PTDSS1: variants seen among roughly 807,000 people sequenced by gnomAD.
PTDSS1 encodes the protein phosphatidylserine synthase 1, also known as PSS-1.
In PTDSS1, 45 loss-of-function variants were observed where a neutral mutation model predicts 70.5. That is an observed-to-expected ratio of 0.64 (90% CI 0.50 to 0.82). The LOEUF (loss-of-function observed/expected upper bound fraction) is 0.82, where lower values mean the gene tolerates loss of function less well. Ranked by LOEUF, PTDSS1 falls within the 40% of genes least tolerant of loss-of-function variation. PTDSS1 has a pLI of 0.00. For missense variants in PTDSS1, 417 were observed against 586.1 expected, an observed-to-expected ratio of 0.71 and a Z score of 2.98; for synonymous variants, 188 against 203.8, an observed-to-expected ratio of 0.92 and a Z score of 0.66.
At chr8:96,317,878 AGTGTGTGTGTGTGTGTGTGTGT>A (rs10529330) in intron 9 of PTDSS1, among the ~76,000 whole-genome samples, 28 of 139,870 alleles carry the variant, frequency 2.0e-4, no homozygotes, top group African/African-American at 5.3e-4. Flanking sequence ...CTTTTGTTTC[AGTGTGTGTGTGTGTGTGTGTGT>A]GTGTGTGTGT....
intron 5 of PTDSS1, 113 bp downstream of exon 5, chr8:96,295,369 C>A: frequency 8.4e-7 from 1 of 1,192,908 alleles, no homozygotes; most frequent in Non-Finnish European, 1.1e-6. Context: ...CCCTGTGGTA[C>A]AAAACAGTAT....
intron 10 of PTDSS1, among the ~76,000 whole-genome samples, chr8:96,329,827 C>A (rs956484104): frequency 7.2e-5 from 11 of 152,184 alleles, no homozygotes; most frequent in African/African-American, 2.7e-4. Flanking sequence ...GTCCTCTTAG[C>A]GCTCTCCTGT....
At chr8:96,315,343 G>A (rs915949828) in intron 9 of PTDSS1, among the ~76,000 whole-genome samples, 1 of 152,222 alleles carries the variant, frequency 6.6e-6, no homozygotes, top group Non-Finnish European at 1.5e-5. Context: ...GTGCGTGTGG[G>A]ATGCAGCAGC....
intron 3 of PTDSS1, among the ~76,000 whole-genome samples, chr8:96,285,444 G>A (rs1475859654): frequency 2.6e-5 from 4 of 152,188 alleles, no homozygotes; most frequent in African/African-American, 9.7e-5. Context: ...GAAATCATGG[G>A]AGGGTTTTTC....
At chr8:96,276,964 A>ACGCGCG in intron 2 of PTDSS1, among the ~76,000 whole-genome samples, 1 of 127,790 alleles carries the variant, frequency 7.8e-6, no homozygotes, top group Non-Finnish European at 1.7e-5. Context: ...GGGCACATAC[A>ACGCGCG]CGCGCGCACG....
intron 10 of PTDSS1, among the ~76,000 whole-genome samples, chr8:96,322,895 T>C (rs1325402507): frequency 6.6e-6 from 1 of 152,116 alleles, no homozygotes; most frequent in Non-Finnish European, 1.5e-5. Flanking sequence ...CAAGGTCCAC[T>C]TGAGCCACAG....
chr8:96,284,107 A>G lies in PTDSS1; in HGVS notation c.272-2A>G. ...TAACTTTATAATGTTATTTATCTGC[A>G]GGTCCGTTCACTCGACCTCATCCAG... On this transcript the variant is annotated splice_acceptor_variant, in intron 2 of 12. Coordinates refer to ENST00000517309, the MANE Select transcript of PTDSS1 (RefSeq NM_014754.3). LOFTEE classifies it high-confidence loss of function. 1 of 1,607,414 alleles carries G rather than the reference A, an allele frequency of 6.2e-7. No homozygotes were observed. The highest frequency in any genetic ancestry group is 8.5e-7 in the Non-Finnish European group (1 of 1,174,798).
intron 2 of PTDSS1, among the ~76,000 whole-genome samples, chr8:96,281,200 G>A (rs1000920915): frequency 2.6e-5 from 4 of 152,104 alleles, no homozygotes; most frequent in African/African-American, 9.7e-5. Context: ...AAAGTAAAAT[G>A]ATACTTTTAG....
intron 5 of PTDSS1, among the ~76,000 whole-genome samples, chr8:96,297,528 C>T (rs1810992528): frequency 6.6e-6 from 1 of 152,192 alleles, no homozygotes; most frequent in Non-Finnish European, 1.5e-5. Context: ...CTACGAGGCT[C>T]CAGGTTCACC....
intron 7 of PTDSS1, among the ~76,000 whole-genome samples, chr8:96,304,745 A>T (rs1811099783): frequency 6.6e-6 from 1 of 152,216 alleles, no homozygotes; most frequent in Admixed American, 6.5e-5. Context: ...GCAAAAGATT[A>T]TCAAGCATCT....
At chr8:96,283,894 G>T (rs2130047226) in intron 2 of PTDSS1, 1 of 504,934 alleles carries the variant, frequency 2.0e-6, no homozygotes, top group Non-Finnish European at 3.5e-6. Context: ...TGTGGAGAGT[G>T]GTGCCTGTGA....
chr8:96,279,530 AT>A (rs924311550), intron 2 of PTDSS1, among the ~76,000 whole-genome samples: 5 of 151,358 alleles, frequency 3.3e-5, no homozygotes, highest in African/African-American at 1.2e-4. Flanking sequence ...AAAAAAAAAA[AT>A]TTTCCAGCCC....
intron 5 of PTDSS1, among the ~76,000 whole-genome samples, chr8:96,299,129 G>A (rs1286665341): frequency 6.6e-6 from 1 of 151,954 alleles, no homozygotes; most frequent in Non-Finnish European, 1.5e-5. Context: ...TGCACATCAT[G>A]GGCACTTAAT....
chr8:96,277,726 T>C (rs926687644), intron 2 of PTDSS1, among the ~76,000 whole-genome samples: 5 of 152,110 alleles, frequency 3.3e-5, no homozygotes, highest in Non-Finnish European at 7.4e-5. Flanking sequence ...TCATCACGTA[T>C]GTGTGAGTTC....
In PTDSS1 at chr8:96,309,543, C is replaced by A. The variant is rs2130124124; in HGVS notation, c.1008-14C>A. ...TCCAGCAGCTCTCAATGAATTCCAACTTTGTTCTTTCAGACAGTACTACGC... is the reference window on the plus strand; with the variant it reads ...TCCAGCAGCTCTCAATGAATTCCAAATTTGTTCTTTCAGACAGTACTACGC... On this transcript the variant is annotated splice_polypyrimidine_tract_variant and intron_variant, in intron 8 of 12. Transcript: ENST00000517309. The A allele has an allele frequency of 6.2e-7, 1 of 1,611,654 alleles. No homozygotes were observed. The highest frequency in any genetic ancestry group is 8.5e-7 in the Non-Finnish European group (1 of 1,178,116).
intron 1 of PTDSS1, 141 bp from the exon 2 acceptor site, chr8:96,273,158 A>G (rs1459626036): frequency 1.6e-6 from 1 of 611,578 alleles, no homozygotes; most frequent in Non-Finnish European, 2.8e-6. Flanking sequence ...GATCTGTATA[A>G]ATCTCTTATT....
chr8:96,302,552 A>G (rs1463324017), intron 6 of PTDSS1, among the ~76,000 whole-genome samples: 1 of 150,844 alleles, frequency 6.6e-6, no homozygotes, highest in Non-Finnish European at 1.5e-5. Flanking sequence ...CTGAGTCTGA[A>G]TTTGCACCAG....
intron 2 of PTDSS1, among the ~76,000 whole-genome samples, chr8:96,277,390 C>T (rs1413308729): frequency 6.6e-6 from 1 of 152,236 alleles, no homozygotes; most frequent in African/African-American, 2.4e-5. Context: ...AGAGCCCTCT[C>T]TCAGGCCACA....
chr8:96,284,861 T>G (rs2130050410), intron 3 of PTDSS1, among the ~76,000 whole-genome samples: 1 of 152,344 alleles, frequency 6.6e-6, no homozygotes, highest in South Asian at 2.1e-4. Flanking sequence ...TCTTTCAGCC[T>G]TCAGAGCTTC....
Sources: gnomAD v4.1 joint callset for allele counts (sites outside exome capture counted in the v4.1 genomes callset) on GRCh38, gnomAD v4.1.1 for gene constraint, MANE v1.5 for transcripts, NCBI Gene and HGNC (gene_info 2026-07-23, HGNC 2026-07-21) for gene names.